Variants in RNF11 observed in about 807,000 individuals in gnomAD.
RNF11 encodes ring finger protein 11.
RNF11 carries 4 observed loss-of-function variants against 15.8 expected under a neutral mutation model. That is an observed-to-expected ratio of 0.25 (90% CI 0.12 to 0.58). RNF11 has a LOEUF of 0.58. Ranked by LOEUF, RNF11 falls within the 20% of genes least tolerant of loss-of-function variation. The pLI, the probability that RNF11 is intolerant of heterozygous loss-of-function variation, is 0.91. For synonymous variants in RNF11, 68 were observed against 72.3 expected (o/e 0.94, Z 0.30); for missense variants, 139 against 194.4 (o/e 0.71, Z 1.70).
chr1:51,246,256 A>G (rs1460671679), intron 1 of RNF11, among the ~76,000 whole-genome samples: 12 of 150,868 alleles, frequency 8.0e-5, no homozygotes, highest in South Asian at 2.1e-4. Flanking sequence ...CAAGAGTGAA[A>G]CTCCATCTCA....
rs958569161 is a variant in RNF11, at chr1:51,243,587, C to A, written c.123+6708C>A. Among the ~76,000 whole-genome samples the A allele has an allele frequency of 2.6e-5, 4 of 152,172 alleles. No individual in the cohort carries two copies. The South Asian group carries it at 8.3e-4, about 32-fold the overall frequency. On this transcript the variant is annotated intron_variant, in intron 1 of 2. Transcript: ENST00000242719. ...CCGAGTAGCTGGGATTACAGGCATGCGCCACCACACCCAGCTAATTTTTGT... is the reference window on the plus strand; with the variant it reads ...CCGAGTAGCTGGGATTACAGGCATGAGCCACCACACCCAGCTAATTTTTGT...
chr1:51,255,363 G>C (rs147015430), intron 1 of RNF11, among the ~76,000 whole-genome samples: 1 of 152,284 alleles, frequency 6.6e-6, no homozygotes, highest in East Asian at 1.9e-4. Context: ...GGGCTCAAGC[G>C]ATCCACCTGC....
chr1:51,239,660 C>T (rs1350379834), intron 1 of RNF11, among the ~76,000 whole-genome samples: 1 of 152,214 alleles, frequency 6.6e-6, no homozygotes, highest in Non-Finnish European at 1.5e-5. Flanking sequence ...AGGTGATCCT[C>T]CTCCCTCAGC....
At chr1:51,256,319 T>G (rs1009041003) in intron 1 of RNF11, among the ~76,000 whole-genome samples, 15 of 152,256 alleles carry the variant, frequency 9.9e-5, no homozygotes, top group African/African-American at 3.1e-4. Flanking sequence ...TCATACAGTA[T>G]GTAGCCTTTT....
At chr1:51,264,299 T>TAA (rs1557682323) in intron 1 of RNF11, among the ~76,000 whole-genome samples, 2 of 94,824 alleles carry the variant, frequency 2.1e-5, no homozygotes, top group Non-Finnish European at 3.9e-5. Context: ...TATATATATA[T>TAA]ATATATATAT....
At chr1:51,243,730 C>T (rs1407325316) in intron 1 of RNF11, among the ~76,000 whole-genome samples, 2 of 152,234 alleles carry the variant, frequency 1.3e-5, no homozygotes, top group Non-Finnish European at 2.9e-5. Context: ...TGAGCCACCA[C>T]GCCCGGCCCT....
intron 1 of RNF11, chr1:51,251,089 C>T (rs527848584): frequency 2.5e-4 from 392 of 1,553,142 alleles, no homozygotes; most frequent in Non-Finnish European, 3.1e-4. Flanking sequence ...TTGTAGTCCC[C>T]GATAGCAACA....
At chr1:51,257,265 G>A (rs963302262) in intron 1 of RNF11, among the ~76,000 whole-genome samples, 1 of 152,088 alleles carries the variant, frequency 6.6e-6, no homozygotes, top group Non-Finnish European at 1.5e-5. Flanking sequence ...TTTCGCATGA[G>A]GATAAGACTT....
intron 1 of RNF11, among the ~76,000 whole-genome samples, chr1:51,245,027 TAA>T (rs1442156753): frequency 9.2e-5 from 14 of 151,494 alleles, no homozygotes; most frequent in African/African-American, 2.9e-4. Flanking sequence ...TTTTGATCTT[TAA>T]AAGTTTTAAT....
chr1:51,242,196 C>G lies in RNF11; in HGVS notation c.123+5317C>G, dbSNP rs577252427. Among the ~76,000 whole-genome samples, 4 of 152,156 alleles carry G rather than the reference C, an allele frequency of 2.6e-5. No homozygotes were observed. In the East Asian group the frequency reaches 7.7e-4, roughly 29 times the overall value. On this transcript the variant is annotated intron_variant, in intron 1 of 2. Transcript: ENST00000242719. Reference sequence around the variant, plus strand: ...TCCTGTGTTCAAATTCTGGCTCTGCCGCTTACATGTAAAATATGAAAAAGG... The same window carrying G: ...TCCTGTGTTCAAATTCTGGCTCTGCGGCTTACATGTAAAATATGAAAAAGG...
chr1:51,257,314 A>C (rs142115434), intron 1 of RNF11, among the ~76,000 whole-genome samples: 9 of 152,142 alleles, frequency 5.9e-5, no homozygotes, highest in African/African-American at 2.2e-4. Flanking sequence ...AAAATGGTTT[A>C]TTTTCCTCTC....
chr1:51,254,252 A>G (rs1372483108), intron 1 of RNF11, among the ~76,000 whole-genome samples: 2 of 151,948 alleles, frequency 1.3e-5, no homozygotes, highest in Non-Finnish European at 2.9e-5. Context: ...CCTTGATTAG[A>G]GTTAGATATT....
chr1:51,265,933 C>T (rs1646952766), intron 1 of RNF11: 1 of 151,862 alleles, frequency 6.6e-6, no homozygotes, highest in South Asian at 2.1e-4. Context: ...CTCACTGCAA[C>T]CTCCGCCTCC....
At chr1:51,240,910 G>C (rs2148064395) in intron 1 of RNF11, among the ~76,000 whole-genome samples, 1 of 152,192 alleles carries the variant, frequency 6.6e-6, no homozygotes, top group Admixed American at 6.5e-5. Flanking sequence ...TCTGCCTCTT[G>C]GGTTCAAGCG....
intron 1 of RNF11, among the ~76,000 whole-genome samples, chr1:51,243,375 T>C (rs1646838835): frequency 6.6e-6 from 1 of 152,190 alleles, no homozygotes; most frequent in Non-Finnish European, 1.5e-5. Flanking sequence ...TTATACCATG[T>C]TGCCAGATAA....
At chr1:51,259,663 A>C (rs189116191) in intron 1 of RNF11, among the ~76,000 whole-genome samples, 128 of 152,324 alleles carry the variant, frequency 8.4e-4, no homozygotes, top group African/African-American at 3.0e-3. Context: ...ATTTTTGGTC[A>C]TGAAAGCAAT....
At chr1:51,248,543 A>G (rs1421866012) in intron 1 of RNF11, among the ~76,000 whole-genome samples, 4 of 152,170 alleles carry the variant, frequency 2.6e-5, no homozygotes, top group Non-Finnish European at 2.9e-5. Flanking sequence ...TTTAAGCTCA[A>G]CGGGGAAAGG....
intron 1 of RNF11, among the ~76,000 whole-genome samples, chr1:51,247,918 A>G (rs962346674): frequency 6.6e-6 from 1 of 152,190 alleles, no homozygotes; most frequent in African/African-American, 2.4e-5. Context: ...GAACACTCAT[A>G]AAGTTGAATG....
At chr1:51,251,218 T>C in intron 1 of RNF11, 7 of 1,367,760 alleles carry the variant, frequency 5.1e-6, no homozygotes, top group Non-Finnish European at 6.1e-6. Context: ...GATTCCTTAA[T>C]GGGCAGGGAG....
Sources: allele counts gnomAD v4.1 joint callset (sites outside exome capture counted in the v4.1 genomes callset), GRCh38; gene constraint gnomAD v4.1.1; transcripts MANE v1.5; gene names NCBI Gene and HGNC (gene_info 2026-07-23, HGNC 2026-07-21).